Variants in ITGA2 observed in about 807,000 individuals in gnomAD.
ITGA2 encodes the protein integrin alpha-2.
A neutral mutation model predicts 146.3 loss-of-function variants in ITGA2; 101 were observed. The observed-to-expected ratio is 0.69, with a 90% CI of 0.59 to 0.81. The LOEUF is 0.81. ITGA2 is among the 40% of genes least tolerant of loss of function. The pLI is 0.00. For synonymous variants in ITGA2, 477 were observed against 487.1 expected, an observed-to-expected ratio of 0.98 and a Z score of 0.27; for missense variants, 1,281 against 1,402.7, an observed-to-expected ratio of 0.91 and a Z score of 1.39.
intron 1 of ITGA2, among the ~76,000 whole-genome samples, chr5:53,008,486 G>T (rs562911173): frequency 1.3e-5 from 2 of 151,856 alleles, no homozygotes; most frequent in East Asian, 3.9e-4. Context: ...TGGCTTAATG[G>T]TTTAAGGGGT....
chr5:53,058,428 A>AG (rs1744741839), intron 10 of ITGA2, among the ~76,000 whole-genome samples: 2 of 151,890 alleles, frequency 1.3e-5, no homozygotes, highest in South Asian at 4.1e-4. Flanking sequence ...TAACTACTGG[A>AG]AATGTTTGTT....
At chr5:53,032,654 A>G (rs1362527309) in intron 2 of ITGA2, among the ~76,000 whole-genome samples, 1 of 152,238 alleles carries the variant, frequency 6.6e-6, no homozygotes, top group African/African-American at 2.4e-5. Flanking sequence ...TTATTTTAAC[A>G]TAAACTTTAT....
rs1043489174 is a variant in ITGA2 at position 53,091,608 on chromosome 5, G to A, written c.*1009G>A. On this transcript the variant is annotated 3_prime_UTR_variant, in exon 30 of 30. Transcript: ENST00000296585. ...TCTACAGCCTGACTTTCTCTCCAGC[G>A]GTCCAAAGTTATCCCCTCCTTTACC... 1 of 152,072 alleles carries A rather than the reference G, an allele frequency of 6.6e-6. No homozygotes were observed. The highest frequency in any genetic ancestry group is 1.9e-4 in the East Asian group (1 of 5,178). The allele number at this position is 152,072 out of a possible 1,614,324, so 9.4% of individuals were successfully genotyped here.
intron 6 of ITGA2, among the ~76,000 whole-genome samples, chr5:53,050,071 A>G (rs890533279): frequency 3.9e-5 from 6 of 152,212 alleles, no homozygotes; most frequent in Non-Finnish European, 8.8e-5. Context: ...ACTGGTTTCC[A>G]GAAAGCACCA....
In ITGA2 at chr5:53,093,834, G is replaced by T. The variant is rs1475438527; in HGVS notation, c.*3235G>T. The stretch of plus-strand genomic sequence containing the variant: ...ACAAGGCTTATAAAATAGTAAGATA[G>T]TAAAATAGCTTATGAAGAAACTACA... On this transcript the variant is annotated 3_prime_UTR_variant, in exon 30 of 30. Coordinates refer to ENST00000296585, the MANE Select transcript of ITGA2 (RefSeq NM_002203.4). 6.6e-6 allele frequency: 1 copy of T among 152,588 alleles called. No individual in the cohort carries two copies. Among genetic ancestry groups the T allele is most frequent in the African/African-American group, 2.4e-5 (1 of 41,442 alleles). 9.5% of individuals were successfully genotyped at this position (152,588 alleles called of 1,614,324 possible). A position where few individuals can be genotyped will look rare whatever the true frequency, so the allele number is the denominator to read the frequency against.
Position 53,073,117 on chromosome 5 carries a change from G to C in ITGA2, c.2430-1G>C. 6.2e-7 allele frequency: 1 copy of C among 1,611,580 alleles called. No individual in the cohort carries two copies. The highest frequency in any genetic ancestry group is 1.1e-5 in the South Asian group (1 of 90,996). On this transcript the variant is annotated splice_acceptor_variant, in intron 19 of 29. Transcript: ENST00000296585. LOFTEE classifies it high-confidence loss of function. Reference sequence around the variant, plus strand: ...TCCCCCCTCCTTTTTACTTTTAACAGAGAACAACCCTTTATTGTCAGCAAC... The same window carrying C: ...TCCCCCCTCCTTTTTACTTTTAACACAGAACAACCCTTTATTGTCAGCAAC...
intron 15 of ITGA2, among the ~76,000 whole-genome samples, chr5:53,066,547 G>A (rs1190897548): frequency 1.3e-5 from 2 of 151,818 alleles, no homozygotes; most frequent in Admixed American, 1.3e-4. Context: ...TCAGAAAGAA[G>A]TTGTTTATTC....
intron 4 of ITGA2, among the ~76,000 whole-genome samples, chr5:53,045,559 A>T (rs1019375816): frequency 3.9e-5 from 6 of 152,230 alleles, no homozygotes; most frequent in Non-Finnish European, 5.9e-5. Context: ...AAGAGTAAAA[A>T]GACATCACTA....
At position 53,075,063 on chromosome 5, in the gene ITGA2, G is replaced by A. The variant is rs750074099; in HGVS notation, c.2667G>A (p.Val889=). ...AGAAATTTTAATTTTGTCTTTAGGT[G>A]ACTTTTACTATTAACTTTGACTTCA... ...GYPALKREQQ[V]TFTINFDFNL... is the part of the protein sequence containing the mutation. The change falls in exon 22 of 30, where the codon GTG becomes GTA. Residue 889 remains valine, a splice_region_variant and synonymous_variant. Transcript: ENST00000296585. 1.9e-6 allele frequency: 3 copies of A among 1,605,064 alleles called. No homozygotes were observed. The highest frequency in any genetic ancestry group is 2.6e-6 in the Non-Finnish European group (3 of 1,173,630).
chr5:53,079,080 G>A (rs918627935), intron 24 of ITGA2, among the ~76,000 whole-genome samples: 4 of 152,120 alleles, frequency 2.6e-5, no homozygotes, highest in African/African-American at 9.7e-5. Flanking sequence ...TAGGTCTAGG[G>A]TGGGCCTACA....
At position 53,001,538 on chromosome 5, in the gene ITGA2, G is replaced by A. The variant is rs148392617; in HGVS notation, c.64+12006G>A. On this transcript the variant is annotated intron_variant, in intron 1 of 29. Coordinates refer to ENST00000296585, the MANE Select transcript of ITGA2 (RefSeq NM_002203.4). ...AGATCCTTTTTAGGATTGGCAAATC[G>A]CTTTCTTCACTGTCCTCTAGCAAGA... is the stretch of plus-strand genomic sequence containing the variant. 2.5e-3 allele frequency among the ~76,000 whole-genome samples: 382 copies of A among 152,142 alleles called. 1 individual carries two copies. The highest frequency in any genetic ancestry group is 4.0e-3 in the Non-Finnish European group (273 of 67,984).
intron 24 of ITGA2, among the ~76,000 whole-genome samples, chr5:53,079,107 A>C (rs917069061): frequency 3.3e-5 from 5 of 152,088 alleles, no homozygotes; most frequent in African/African-American, 1.2e-4. Context: ...CATATCTAAC[A>C]AGCTCCCAGG....
At chr5:53,011,431 G>C (rs749782971) in intron 1 of ITGA2, among the ~76,000 whole-genome samples, 9 of 152,122 alleles carry the variant, frequency 5.9e-5, no homozygotes, top group Non-Finnish European at 8.8e-5. Flanking sequence ...AGGCATCCCT[G>C]TTGCTGCAGG....
At chr5:53,081,499 C>A in intron 25 of ITGA2, 93 bp from the exon 26 acceptor site, 1 of 957,888 alleles carries the variant, frequency 1.0e-6, no homozygotes, top group Non-Finnish European at 1.6e-6. Context: ...TTCCCAGACC[C>A]CTACAAGTGA....
chr5:53,054,778 CAG>C (rs751861257), intron 7 of ITGA2, among the ~76,000 whole-genome samples: 8 of 152,016 alleles, frequency 5.3e-5, no homozygotes, highest in East Asian at 1.9e-4. Context: ...TCTGGGGACT[CAG>C]GGGGGAAATG....
intron 3 of ITGA2, among the ~76,000 whole-genome samples, chr5:53,044,128 A>T (rs3212451): frequency 1.3e-5 from 2 of 151,764 alleles, no homozygotes; most frequent in African/African-American, 4.8e-5. Flanking sequence ...ACAAAAAATT[A>T]TCCAGGTGTG....
At chr5:53,018,665 G>T (rs1287221601) in intron 1 of ITGA2, among the ~76,000 whole-genome samples, 2 of 152,104 alleles carry the variant, frequency 1.3e-5, no homozygotes, top group African/African-American at 4.8e-5. Context: ...TATAGTTTTT[G>T]AGTAACACAA....
chr5:53,031,091 T>G (rs1361895989), intron 2 of ITGA2, among the ~76,000 whole-genome samples: 1 of 152,236 alleles, frequency 6.6e-6, no homozygotes, highest in African/African-American at 2.4e-5. Context: ...TGCCTGTTTG[T>G]TTTGACAGTG....
chr5:53,033,278 A>T (rs1743322918), intron 2 of ITGA2, among the ~76,000 whole-genome samples: 1 of 149,318 alleles, frequency 6.7e-6, no homozygotes, highest in Admixed American at 6.7e-5. Context: ...CAAAAAAAAA[A>T]CTGGGTCCTC....
Sources: gnomAD v4.1 joint callset for allele counts (sites outside exome capture counted in the v4.1 genomes callset) on GRCh38, gnomAD v4.1.1 for gene constraint, MANE v1.5 for transcripts, NCBI Gene and HGNC (gene_info 2026-07-23, HGNC 2026-07-21) for gene names.